Variants in PDE1C observed in about 807,000 individuals in gnomAD.
PDE1C encodes the protein phosphodiesterase 1C, also known as dual specificity calcium/calmodulin-dependent 3',5'-cyclic nucleotide phosphodiesterase 1C.
Under a neutral mutation model 93.1 loss-of-function variants are expected in PDE1C, and 62 were observed. The ratio of observed to expected loss-of-function variants is 0.67; its 90% CI spans 0.54 to 0.82. The LOEUF is 0.82. Ranked by LOEUF, PDE1C falls within the 40% of genes least tolerant of loss-of-function variation. The pLI is 0.00. For missense variants in PDE1C, 742 were observed against 884.6 expected (o/e 0.84, Z 2.04); for synonymous variants, 325 against 310.1 (o/e 1.05, Z -0.50).
chr7:31,732,636 T>TG, the PDE1C span, among the ~76,000 whole-genome samples: 341 of 103,186 alleles, frequency 3.3e-3, 5 homozygotes, highest in African/African-American at 0.011. Flanking sequence ...TCTCCTCTCT[T>TG]TCTGTGTGTG....
intron 1 of PDE1C, among the ~76,000 whole-genome samples, chr7:32,250,492 TC>T (rs1269976407): frequency 2.6e-5 from 4 of 152,184 alleles, no homozygotes; most frequent in Non-Finnish European, 5.9e-5. Flanking sequence ...CCTATTCTGA[TC>T]CAGGTGGTCC....
At chr7:31,760,988 G>A (rs985652276) in intron 17 of PDE1C, among the ~76,000 whole-genome samples, 3 of 136,340 alleles carry the variant, frequency 2.2e-5, no homozygotes, top group South Asian at 2.2e-4. Context: ...GAATGTTAAC[G>A]TGAGCCCCAC....
At chr7:32,239,988 C>T (rs575057493) in intron 1 of PDE1C, among the ~76,000 whole-genome samples, 4 of 152,336 alleles carry the variant, frequency 2.6e-5, no homozygotes, top group African/African-American at 9.6e-5. Context: ...GACAACAATG[C>T]TGTCAGCCTG....
chr7:31,854,710 T>C (rs1162974829), intron 7 of PDE1C, among the ~76,000 whole-genome samples: 2 of 151,920 alleles, frequency 1.3e-5, no homozygotes, highest in East Asian at 1.9e-4. Flanking sequence ...AATGATAGAG[T>C]TTCTTTAGTA....
chr7:32,376,514 T>C (rs1210193206), intron 1 of PDE1C, among the ~76,000 whole-genome samples: 1 of 152,208 alleles, frequency 6.6e-6, no homozygotes, highest in Non-Finnish European at 1.5e-5. Flanking sequence ...GGATGGTTTC[T>C]GCTCATGGTA....
At chr7:31,633,374 T>A in the PDE1C span, among the ~76,000 whole-genome samples, 1 of 152,176 alleles carries the variant, frequency 6.6e-6, no homozygotes, top group Non-Finnish European at 1.5e-5. Context: ...TCTGACCAGA[T>A]AGGAGTCATT....
chr7:31,833,322 C>T (rs991394023), intron 11 of PDE1C, among the ~76,000 whole-genome samples: 4 of 152,044 alleles, frequency 2.6e-5, no homozygotes, highest in Admixed American at 6.5e-5. Context: ...TTATCAGCAG[C>T]GTGAAAATGA....
At chr7:31,971,861 G>C (rs1164263193) in intron 2 of PDE1C, among the ~76,000 whole-genome samples, 1 of 152,186 alleles carries the variant, frequency 6.6e-6, no homozygotes, top group African/African-American at 2.4e-5. Flanking sequence ...TTTACCCACT[G>C]GTTTCCTGTA....
intron 2 of PDE1C, among the ~76,000 whole-genome samples, chr7:31,977,582 T>G (rs146058161): frequency 6.7e-4 from 102 of 152,264 alleles, no homozygotes; most frequent in Admixed American, 3.0e-3. Context: ...CCCTTCTCCA[T>G]CAACTGTAAA....
At chr7:31,904,141 CAG>C (rs1563005542) in intron 2 of PDE1C, among the ~76,000 whole-genome samples, 1 of 152,014 alleles carries the variant, frequency 6.6e-6, no homozygotes, top group African/African-American at 2.4e-5. Flanking sequence ...TCCACAAGAA[CAG>C]AGAGTGCTAT....
intron 3 of PDE1C, 128 bp from the exon 4 acceptor site, chr7:31,879,306 A>C (rs1462517484): frequency 7.0e-6 from 6 of 853,936 alleles, no homozygotes; most frequent in South Asian, 1.8e-5. Context: ...AATTGGCCAC[A>C]AAAAATACAG....
the PDE1C span, chr7:31,708,069 G>A: frequency 6.6e-6 from 1 of 152,184 alleles, no homozygotes; most frequent in African/African-American, 2.4e-5. Context: ...TGAATTTACT[G>A]TAAAAAAATT....
chr7:31,974,960 A>T (rs920700881), intron 2 of PDE1C, among the ~76,000 whole-genome samples: 1 of 152,224 alleles, frequency 6.6e-6, no homozygotes, highest in Non-Finnish European at 1.5e-5. Context: ...TTCTGAACAA[A>T]GGCCGAGTTC....
the PDE1C span, among the ~76,000 whole-genome samples, chr7:31,625,455 A>T: frequency 6.6e-6 from 1 of 152,210 alleles, no homozygotes; most frequent in Admixed American, 6.5e-5. Context: ...AAAAATGATG[A>T]GTTCATGTCC....
chr7:32,410,235 A>AG lies in PDE1C; in HGVS notation c.310+17586dup, dbSNP rs529474256. On this transcript the variant is annotated intron_variant, in intron 1 of 1. Coordinates refer to the PDE1C transcript ENST00000672256. ...GTAGTCCTAGCTACTCAAGAGGCTG[A>AG]GGTGGGAGCATCGCTTGAGCCCAGG... Among the ~76,000 whole-genome samples, 4 of 152,254 alleles carry AG rather than the reference A, an allele frequency of 2.6e-5. No individual in the cohort carries two copies. The East Asian group carries it at 7.7e-4, about 29-fold the overall frequency.
chr7:32,278,490 A>G (rs1562644117), intron 1 of PDE1C, among the ~76,000 whole-genome samples: 2 of 152,362 alleles, frequency 1.3e-5, no homozygotes, highest in East Asian at 3.9e-4. Flanking sequence ...TTTCTGAAAA[A>G]TCCATTAGAA....
At chr7:32,187,145 T>C (rs1331681936) in intron 2 of PDE1C, among the ~76,000 whole-genome samples, 1 of 152,044 alleles carries the variant, frequency 6.6e-6, no homozygotes, top group Non-Finnish European at 1.5e-5. Flanking sequence ...CTTCTCTCTC[T>C]TTCTCTTTCT....
the PDE1C span, among the ~76,000 whole-genome samples, chr7:31,702,311 C>T: frequency 6.2e-4 from 94 of 152,002 alleles, no homozygotes; most frequent in Non-Finnish European, 1.1e-3. Context: ...TAGGAAGGAG[C>T]AGAGCTAGAT....
chr7:32,205,468 T>C (rs1193778864), intron 2 of PDE1C, among the ~76,000 whole-genome samples: 1 of 152,180 alleles, frequency 6.6e-6, no homozygotes, highest in Non-Finnish European at 1.5e-5. Flanking sequence ...ATCAGCACTC[T>C]GTAAAAACGG....
Sources: allele counts gnomAD v4.1 joint callset (sites outside exome capture counted in the v4.1 genomes callset), GRCh38; gene constraint gnomAD v4.1.1; transcripts MANE v1.5; gene names NCBI Gene and HGNC (gene_info 2026-07-23, HGNC 2026-07-21).